The following LAMA5 variants were observed in gnomAD, a reference collection of about 807,000 sequenced individuals.
The protein encoded by LAMA5 is laminin subunit alpha 5.
A neutral mutation model predicts 433.4 loss-of-function variants in LAMA5; 260 were observed. The ratio of observed to expected loss-of-function variants is 0.60; its 90% CI spans 0.54 to 0.66. The LOEUF (loss-of-function observed/expected upper bound fraction) is 0.66, where lower values mean the gene tolerates loss of function less well. LAMA5 is among the 30% of genes least tolerant of loss of function. The pLI is 0.00. For missense variants in LAMA5, 5,378 were observed against 5,258.5 expected (o/e 1.02, Z -0.70); for synonymous variants, 2,620 against 2,226.6 (o/e 1.18, Z -4.97).
intron 53 of LAMA5, 78 bp downstream of exon 53, chr20:62,318,376 G>A: frequency 9.5e-7 from 1 of 1,053,572 alleles, no homozygotes; most frequent in South Asian, 1.4e-5. Context: ...GAGGGGAGGG[G>A]AGGAGCCGGA....
In LAMA5 at chr20:62,316,762, C is replaced by T. The variant is rs750946794; in HGVS notation, c.7665G>A (p.Arg2555=). ...GCTGGGCTCGGTCCACCAGGCCCTG[C>T]CGCACCACCGTCTGTGGATGCCAGG... ...QADHTWATVV[R]QGLVDRAQQL... The change falls in exon 57 of 80, where the codon CGG becomes CGA. Residue 2555 remains arginine (R), a synonymous_variant. Coordinates refer to ENST00000252999, the MANE Select transcript of LAMA5 (RefSeq NM_005560.6). 6.2e-7 allele frequency: 1 copy of T among 1,605,130 alleles called. No individual in the cohort carries two copies. Among genetic ancestry groups the T allele is most frequent in the Non-Finnish European group, 8.5e-7 (1 of 1,175,860 alleles).
intron 28 of LAMA5, 147 bp downstream of exon 28, chr20:62,332,225 T>G: frequency 1.2e-5 from 7 of 601,012 alleles, no homozygotes; most frequent in Admixed American, 2.8e-5. Context: ...GCAGGAGGGG[T>G]TCCAGAAGAA....
intron 9 of LAMA5, 34 bp downstream of exon 9, chr20:62,346,472 G>A (rs1189265549): frequency 6.5e-7 from 1 of 1,540,034 alleles, no homozygotes; most frequent in South Asian, 1.2e-5. Flanking sequence ...CAGACCCTGA[G>A]ACCCAGGACA....
chr20:62,350,471 C>T lies in LAMA5; in HGVS notation c.956+1233G>A, dbSNP rs537918607. 1.1e-4 allele frequency among the ~76,000 whole-genome samples: 17 copies of T among 152,194 alleles called. No individual in the cohort carries two copies. In the South Asian group the frequency reaches 3.1e-3, roughly 28 times the overall value. On this transcript the variant is annotated intron_variant, in intron 6 of 79. Transcript: ENST00000252999. Reference sequence around the variant, plus strand: ...GCTCCCGCCTCTGCTCGGCACTGGCCGTGAGAATGGGAGTGAACCTTTGTC... The same window carrying T: ...GCTCCCGCCTCTGCTCGGCACTGGCTGTGAGAATGGGAGTGAACCTTTGTC...
intron 2 of LAMA5, among the ~76,000 whole-genome samples, chr20:62,358,393 C>T (rs1294494770): frequency 1.3e-5 from 2 of 152,206 alleles, no homozygotes; most frequent in Non-Finnish European, 1.5e-5. Flanking sequence ...TCCCGGCCGC[C>T]GAGCTCTGTA....
intron 28 of LAMA5, 141 bp downstream of exon 28, chr20:62,332,231 A>C (rs986259202): frequency 1.3e-5 from 8 of 633,978 alleles, no homozygotes; most frequent in African/African-American, 7.3e-5. Context: ...GGGGTTCCAG[A>C]AGAAACATGC....
chr20:62,339,023 TGA>T (rs1309247451), intron 11 of LAMA5, among the ~76,000 whole-genome samples: 1 of 131,400 alleles, frequency 7.6e-6, no homozygotes, highest in Admixed American at 8.4e-5. Flanking sequence ...GGCGACAGGG[TGA>T]GACTCCGTCT....
At chr20:62,363,536 G>C (rs1300438278) in intron 1 of LAMA5, among the ~76,000 whole-genome samples, 1 of 152,146 alleles carries the variant, frequency 6.6e-6, no homozygotes, top group African/African-American at 2.4e-5. Flanking sequence ...GTAGTGCTGG[G>C]AGCCGGGGCA....
At chr20:62,360,614 A>AGGAATAGATGGGTGGGTGGG (rs1568989395) in intron 2 of LAMA5, among the ~76,000 whole-genome samples, 1 of 12,794 alleles carries the variant, frequency 7.8e-5, no homozygotes, top group Non-Finnish European at 1.9e-4. Context: ...GGGTGGGTGG[A>AGGAATAGATGGGTGGGTGGG]TGGGTGGGTG....
In LAMA5 at chr20:62,322,044, A is replaced by G. The variant is rs575102034; in HGVS notation, c.6471T>C (p.Pro2157=). 3.1e-6 allele frequency: 5 copies of G among 1,599,192 alleles called. No homozygotes were observed. In the Admixed American group the frequency reaches 5.0e-5, roughly 16 times the overall value. Reference sequence around the variant, plus strand: ...CTTCACAGTGGATGCTGTGGCCCACAGGCCCGCCTGGAACAGGCACCTGAT... The same window carrying G: ...CTTCACAGTGGATGCTGTGGCCCACGGGCCCGCCTGGAACAGGCACCTGAT... The part of the protein sequence containing the change: ...QQHQVPVPGG[P]VGHSIHCEVC... Residue 2157 remains proline, a synonymous_variant, in exon 48 of 80, where the codon CCT becomes CCC. Coordinates refer to ENST00000252999, the MANE Select transcript of LAMA5 (RefSeq NM_005560.6).
At chr20:62,316,428 G>A in intron 57 of LAMA5, 3 of 521,064 alleles carry the variant, frequency 5.8e-6, no homozygotes, top group Non-Finnish European at 3.4e-6. Context: ...GTGCCCTGTG[G>A]CTCAGCTGGT....
At chr20:62,329,694 C>T in intron 32 of LAMA5, 83 bp downstream of exon 32, 3 of 1,538,000 alleles carry the variant, frequency 2.0e-6, no homozygotes, top group East Asian at 2.3e-5. Flanking sequence ...CCAGAAGAGA[C>T]AGACCCAGCC....
Position 62,320,729 on chromosome 20 carries a change from C to G in LAMA5, c.6648+10G>C. The G allele has an allele frequency of 6.2e-7, 1 of 1,612,536 alleles. No homozygotes were observed. The highest frequency in any genetic ancestry group is 1.1e-5 in the South Asian group (1 of 91,076). ...CCGGGTTGGGGAGGGAAGGCCAGGA[C>G]GCTCAGTACCTGCAGGTCAGCGATG... On this transcript the variant is annotated intron_variant, in intron 49 of 79. Transcript: ENST00000252999.
chr20:62,358,668 G>A (rs989034348), intron 2 of LAMA5, among the ~76,000 whole-genome samples: 15 of 152,144 alleles, frequency 9.9e-5, no homozygotes, highest in African/African-American at 2.9e-4. Context: ...GAACCAGCCC[G>A]GGAACCCAGA....
intron 53 of LAMA5, 136 bp downstream of exon 53, chr20:62,318,318 G>A (rs1987252894): frequency 3.5e-6 from 1 of 283,388 alleles, no homozygotes; most frequent in Non-Finnish European, 6.4e-6. Flanking sequence ...AAGAGGAGGA[G>A]GGGGGGAGGA....
rs139530736 is a variant in LAMA5 at position 62,325,537 on chromosome 20, G to C, written c.5308C>G (p.Arg1770Gly). 5.0e-6 allele frequency: 8 copies of C among 1,606,008 alleles called. No individual in the cohort carries two copies. The highest frequency in any genetic ancestry group is 6.8e-6 in the Non-Finnish European group (8 of 1,175,612). The change falls in exon 41 of 80, where the codon CGG becomes GGG. Residue 1770 changes from arginine to glycine, a missense_variant. Arg to Gly is a moderately radical substitution (Grantham distance 125). Transcript: ENST00000252999. ...GQLQLVEGNF[R>G]HTETRNTVSR... ...ACAGTGTTGCGCGTCTCCGTATGCCGGAAGTTCCCCTGTGGGTCCAGGATG... is the reference window on the plus strand; with the variant it reads ...ACAGTGTTGCGCGTCTCCGTATGCCCGAAGTTCCCCTGTGGGTCCAGGATG...
At chr20:62,333,802 C>A in intron 23 of LAMA5, 96 bp from the exon 24 acceptor site, 1 of 1,344,712 alleles carries the variant, frequency 7.4e-7, no homozygotes, top group Non-Finnish European at 9.8e-7. Context: ...GTCCTACCAC[C>A]CACATGAGCC....
rs1986168345 is a variant in LAMA5 at position 62,310,754 on chromosome 20, G to A, written c.10357C>T (p.His3453Tyr). 3 of 1,570,856 alleles carry A rather than the reference G, an allele frequency of 1.9e-6. No homozygotes were observed. Among genetic ancestry groups the A allele is most frequent in the African/African-American group, 1.4e-5 (1 of 74,072 alleles). Reference sequence around the variant, plus strand: ...TGCTCTGCCCCCTGGTGCTGCCGGTGCGGCCCCTCCTGGCTCCAGGCCCGG... The same window carrying A: ...TGCTCTGCCCCCTGGTGCTGCCGGTACGGCCCCTCCTGGCTCCAGGCCCGG... ...GARAWSQEGP[H>Y]RQHQGAEHPQ... Residue 3453 changes from histidine (H) to tyrosine (Y), a missense_variant, in exon 75 of 80, where the codon CAC becomes TAC. Physicochemically the swap from His to Tyr is moderately conservative, Grantham distance 83. Coordinates refer to ENST00000252999, the MANE Select transcript of LAMA5 (RefSeq NM_005560.6).
At chr20:62,347,124 G>C in intron 6 of LAMA5, 96 bp from the exon 7 acceptor site, 1 of 912,644 alleles carries the variant, frequency 1.1e-6, no homozygotes, top group South Asian at 1.5e-5. Context: ...CCCCTCGATG[G>C]CTTGGCTTGC....
Sources: gnomAD v4.1 joint callset for allele counts (sites outside exome capture counted in the v4.1 genomes callset) on GRCh38, gnomAD v4.1.1 for gene constraint, MANE v1.5 for transcripts, NCBI Gene and HGNC (gene_info 2026-07-23, HGNC 2026-07-21) for gene names.